Variants in TRAP1 observed in about 807,000 individuals in gnomAD.
The protein encoded by TRAP1 is TNF receptor associated protein 1.
A neutral mutation model predicts 89.1 loss-of-function variants in TRAP1; 102 were observed. That is an observed-to-expected ratio of 1.15 (90% CI 0.98 to 1.35). TRAP1 has a LOEUF of 1.35. Among genes scored for constraint, TRAP1 ranks in the 40% most tolerant of loss-of-function variants. TRAP1 has a pLI of 0.00. For synonymous variants in TRAP1, 508 were observed against 388.0 expected, an observed-to-expected ratio of 1.31 and a Z score of -3.64; for missense variants, 1,256 against 945.3, an observed-to-expected ratio of 1.33 and a Z score of -4.31.
intron 6 of TRAP1, 199 bp from the exon 7 acceptor site, chr16:3,676,344 C>T (rs1009163942): frequency 3.1e-6 from 1 of 320,680 alleles, no homozygotes; most frequent in African/African-American, 2.3e-5. Flanking sequence ...TCGCAGGCGG[C>T]AGAGTTCTCC....
Position 3,688,172 on chromosome 16 carries a change from G to GT in TRAP1, c.330+882dup, listed in dbSNP as rs199589462. On this transcript the variant is annotated intron_variant, in intron 3 of 17. Coordinates refer to ENST00000246957, the MANE Select transcript of TRAP1 (RefSeq NM_016292.3). ...TGTCACCCCAAATGAGTTTTGCGGG[G>GT]TTTTTTTTAATAGAGATGGGGTCTC... Among the ~76,000 whole-genome samples, 16 of 151,800 alleles carry GT rather than the reference G, an allele frequency of 1.1e-4. No individual in the cohort carries two copies. In the East Asian group the frequency reaches 1.4e-3, roughly 13 times the overall value.
intron 11 of TRAP1, among the ~76,000 whole-genome samples, chr16:3,668,438 T>C (rs924185730): frequency 2.0e-5 from 3 of 152,200 alleles, no homozygotes; most frequent in Non-Finnish European, 4.4e-5. Flanking sequence ...AGCTTCAAAA[T>C]ACCTATAACA....
Position 3,658,727 on chromosome 16 carries a change from C to CCTGAAGGCAGGCTGG in TRAP1, c.2013+51_2013+65dup, listed in dbSNP as rs1485689458. The CCTGAAGGCAGGCTGG allele has an allele frequency of 5.8e-5, 87 of 1,498,862 alleles. 1 individual carries two copies. The East Asian group carries it at 2.0e-3, about 34-fold the overall frequency. 92.8% of individuals were successfully genotyped at this position (1,498,862 alleles called of 1,614,324 possible). A position where few individuals can be genotyped will look rare whatever the true frequency, so the allele number is the denominator to read the frequency against. On this transcript the variant is annotated intron_variant, in intron 17 of 17. Transcript: ENST00000246957. ...ATTTTAGAGGAAACCGCTGTTCCACCCTGAAGGCAGGCTGGCAGGGCTGGT... is the reference window on the plus strand; with the variant it reads ...ATTTTAGAGGAAACCGCTGTTCCACCCTGAAGGCAGGCTGGCTGAAGGCAGGCTGGCAGGGCTGGT...
intron 10 of TRAP1, among the ~76,000 whole-genome samples, 196 bp downstream of exon 10, chr16:3,672,504 C>G (rs1596709730): frequency 1.3e-5 from 2 of 152,294 alleles, no homozygotes; most frequent in Middle Eastern, 6.8e-3. Flanking sequence ...AGTGCTCCCC[C>G]CAGATCAGTC....
chr16:3,715,389 G>C (rs1239203183), intron 1 of TRAP1, among the ~76,000 whole-genome samples: 1 of 152,028 alleles, frequency 6.6e-6, no homozygotes, highest in African/African-American at 2.4e-5. Flanking sequence ...AGTGAGCCAA[G>C]ATCGCGCCAC....
chr16:3,661,864 G>C, intron 16 of TRAP1, 123 bp downstream of exon 16: 1 of 1,295,632 alleles, frequency 7.7e-7, no homozygotes. Flanking sequence ...GCTCCTTATA[G>C]TTACCCACAT....
intron 16 of TRAP1, chr16:3,660,069 T>C (rs1376596844): frequency 6.6e-6 from 1 of 152,202 alleles, no homozygotes; most frequent in Non-Finnish European, 1.5e-5. Context: ...ACATTTCTAG[T>C]CTACGTAGCT....
At chr16:3,671,016 A>G (rs536030488) in intron 11 of TRAP1, among the ~76,000 whole-genome samples, 1 of 152,120 alleles carries the variant, frequency 6.6e-6, no homozygotes, top group East Asian at 1.9e-4. Context: ...CTTCCATTTC[A>G]ACACTGGAGA....
At chr16:3,709,934 G>A (rs1456339276) in intron 1 of TRAP1, among the ~76,000 whole-genome samples, 1 of 152,204 alleles carries the variant, frequency 6.6e-6, no homozygotes, top group African/African-American at 2.4e-5. Flanking sequence ...ACAGGCGTGA[G>A]CCACCGCGCC....
At chr16:3,695,917 C>T (rs765014717) in intron 1 of TRAP1, among the ~76,000 whole-genome samples, 13 of 152,300 alleles carry the variant, frequency 8.5e-5, no homozygotes, top group South Asian at 4.1e-4. Context: ...CCCTGCGGGG[C>T]GGCACTGGAG....
At chr16:3,681,994 G>A (rs899370253) in intron 4 of TRAP1, among the ~76,000 whole-genome samples, 5 of 152,088 alleles carry the variant, frequency 3.3e-5, no homozygotes, top group Non-Finnish European at 7.3e-5. Context: ...GTGCGATGTG[G>A]GCATTTAAGG....
intron 1 of TRAP1, among the ~76,000 whole-genome samples, chr16:3,708,403 C>A (rs572968990): frequency 6.6e-6 from 1 of 152,194 alleles, no homozygotes; most frequent in South Asian, 2.1e-4. Context: ...CTTTGGGAGG[C>A]TGAGGCGGAT....
chr16:3,713,717 G>A (rs904863955), intron 1 of TRAP1, among the ~76,000 whole-genome samples: 2 of 152,192 alleles, frequency 1.3e-5, no homozygotes, highest in Non-Finnish European at 1.5e-5. Context: ...ACAGAATCAC[G>A]TTTGCTTTGG....
chr16:3,679,574 T>C (rs560064098), intron 5 of TRAP1, 145 bp downstream of exon 5: 1 of 792,048 alleles, frequency 1.3e-6, no homozygotes, highest in Non-Finnish European at 2.1e-6. Context: ...ATGGCTGTCA[T>C]GTCATGAGGT....
chr16:3,687,372 T>G (rs919961120), intron 3 of TRAP1: 10 of 152,290 alleles, frequency 6.6e-5, no homozygotes, highest in African/African-American at 2.4e-4. Context: ...AAGCTCCTTC[T>G]TTGGTAAATT....
At chr16:3,683,704 G>C (rs1345492534) in intron 4 of TRAP1, among the ~76,000 whole-genome samples, 1 of 151,504 alleles carries the variant, frequency 6.6e-6, no homozygotes, top group Non-Finnish European at 1.5e-5. Context: ...TCAATCATAA[G>C]GGAAGCTGGG....
Position 3,690,812 on chromosome 16 carries a change from A to ACGAGCCAAGGCTACC in TRAP1, c.247_247+14dup. 1.4e-6 allele frequency: 2 copies of ACGAGCCAAGGCTACC among 1,380,974 alleles called. No homozygotes were observed. Among genetic ancestry groups the ACGAGCCAAGGCTACC allele is most frequent in the Admixed American group, 5.7e-5 (2 of 35,220 alleles). The allele number at this position is 1,380,974 out of a possible 1,614,324, so 85.5% of individuals were successfully genotyped here. On this transcript the variant is annotated intron_variant, in intron 2 of 17. Transcript: ENST00000246957. Reference sequence around the variant, plus strand: ...CCAAAAAGCCCTCCCAGACCAAAGCACGAGCCAAGGCTACCCTGCACGCTC... The same window carrying ACGAGCCAAGGCTACC: ...CCAAAAAGCCCTCCCAGACCAAAGCACGAGCCAAGGCTACCCGAGCCAAGGCTACCCTGCACGCTC...
chr16:3,696,553 G>T (rs1438858334), intron 1 of TRAP1, among the ~76,000 whole-genome samples: 1 of 152,052 alleles, frequency 6.6e-6, no homozygotes, highest in African/African-American at 2.4e-5. Context: ...ATAACTGGCT[G>T]GTGTAAGTTA....
chr16:3,710,054 G>A (rs1325920683), intron 1 of TRAP1, among the ~76,000 whole-genome samples: 1 of 152,166 alleles, frequency 6.6e-6, no homozygotes, highest in African/African-American at 2.4e-5. Context: ...TGTTTCTTGA[G>A]GTTTCCTGTG....
Sources: allele counts gnomAD v4.1 joint callset (sites outside exome capture counted in the v4.1 genomes callset), GRCh38; gene constraint gnomAD v4.1.1; transcripts MANE v1.5; gene names NCBI Gene and HGNC (gene_info 2026-07-23, HGNC 2026-07-21).